The following PRSS58 variants were observed in gnomAD, a reference collection of about 807,000 sequenced individuals.
The protein encoded by PRSS58 is serine protease 58.
PRSS58 carries 31 observed loss-of-function variants against 25.0 expected under a neutral mutation model. That is an observed-to-expected ratio of 1.24 (90% CI 0.93 to 1.67). The LOEUF is 1.67. Ranked by LOEUF, PRSS58 falls within the 40% of genes most tolerant of loss-of-function variation. PRSS58 has a pLI of 0.00. For synonymous variants in PRSS58, 119 were observed against 106.1 expected, an observed-to-expected ratio of 1.12 and a Z score of -0.75; for missense variants, 324 against 287.9, an observed-to-expected ratio of 1.13 and a Z score of -0.91.
Position 142,255,156 on chromosome 7 carries a change from T to G in PRSS58, c.335A>C (p.Glu112Ala). ...IMLIKLKTEA[E>A]LNDYVKLANL... ...GGCTAATTTCACATAGTCATTGAGT[T>G]CAGCCTCTGTTTTCAGCTTGATTAG... is the stretch of plus-strand genomic sequence containing the variant. The change falls in exon 4 of 6, where the codon GAA becomes GCA. Residue 112 changes from glutamate to alanine, a missense_variant. By Grantham distance (107) the Glu-to-Ala change is moderately radical. Coordinates refer to ENST00000547058, the MANE Select transcript of PRSS58 (RefSeq NM_001001317.5). 6.2e-7 allele frequency: 1 copy of G among 1,614,162 alleles called. No homozygotes were observed. Among genetic ancestry groups the G allele is most frequent in the Non-Finnish European group, 8.5e-7 (1 of 1,180,008 alleles).
chr7:142,257,361 G>T (rs1008090656), intron 2 of PRSS58, among the ~76,000 whole-genome samples: 1 of 152,180 alleles, frequency 6.6e-6, no homozygotes, highest in Non-Finnish European at 1.5e-5. Context: ...TCAATGTTCT[G>T]CTGTGCCCTC....
Position 142,255,659 on chromosome 7 carries a change from T to G in PRSS58, c.55A>C (p.Asn19His). The change falls in exon 3 of 6, where the codon AAT (asparagine) becomes CAT (histidine). Residue 19 changes from asparagine (N) to histidine (H), a missense_variant. Transcript: ENST00000547058. ...LLNLTVALAF[N>H]PDYTVSSTPP... is the part of the protein sequence containing the mutation. ...GTGGAGCTGACTGTGTAATCTGGAT[T>G]AAAGGCCAAAGCAACTGGAAAGAGA... is the stretch of plus-strand genomic sequence containing the variant. 6.2e-7 allele frequency: 1 copy of G among 1,610,416 alleles called. No individual in the cohort carries two copies. The highest frequency in any genetic ancestry group is 8.5e-7 in the Non-Finnish European group (1 of 1,178,010).
intron 4 of PRSS58, 151 bp downstream of exon 4, chr7:142,254,904 C>A (rs1042468849): frequency 4.2e-6 from 3 of 720,480 alleles, no homozygotes; most frequent in Non-Finnish European, 6.9e-6. Context: ...ACCCAAAAAC[C>A]TTGAAGCACT....
chr7:142,257,800 T>C (rs1469576954), intron 1 of PRSS58, 52 bp from the exon 2 acceptor site: 6 of 1,016,556 alleles, frequency 5.9e-6, no homozygotes, highest in Non-Finnish European at 9.2e-6. Context: ...GATTGTAGAA[T>C]TGGAAAAATA....
intron 2 of PRSS58, among the ~76,000 whole-genome samples, chr7:142,256,571 C>T (rs1285294887): frequency 6.6e-6 from 1 of 152,070 alleles, no homozygotes; most frequent in Admixed American, 6.5e-5. Flanking sequence ...CAAGCAAACC[C>T]TCCTGAGTAG....
Position 142,255,073 on chromosome 7 carries a change from A to T in PRSS58, c.418T>A (p.Tyr140Asn). The T allele has an allele frequency of 6.2e-7, 1 of 1,614,054 alleles. No homozygotes were observed. The highest frequency in any genetic ancestry group is 8.5e-7 in the Non-Finnish European group (1 of 1,179,960). ...AACTCACAGATATCACACACATTGT[A>T]GCTCCAGGTAGAGACAGAGCACATG... ...NTMCSVSTWS[Y>N]NVCDIYKEPD... The change falls in exon 4 of 6, where the codon TAC becomes AAC. Residue 140 changes from tyrosine (Y) to asparagine (N), a missense_variant. Tyr to Asn is a moderately radical substitution (Grantham distance 143). Coordinates refer to ENST00000547058, the MANE Select transcript of PRSS58 (RefSeq NM_001001317.5).
chr7:142,253,694 A>C (rs1257003569), intron 4 of PRSS58, among the ~76,000 whole-genome samples: 2 of 152,230 alleles, frequency 1.3e-5, no homozygotes, highest in Non-Finnish European at 2.9e-5. Context: ...TTTTCCAAGC[A>C]ATAATTTCAT....
In PRSS58 at chr7:142,252,476, C is replaced by T; in HGVS notation, c.572G>A (p.Cys191Tyr). ...VGIVPGRRQP[C>Y]KEVSAAPAIC... The stretch of plus-strand genomic sequence containing the variant: ...AATGGATGAAGAGTATTTTACCTTG[C>T]AGGGCTGCCTCCTTCCTGGCACAAT... The change falls in exon 5 of 6, where the codon TGC becomes TAC. Residue 191 changes from cysteine to tyrosine, a missense_variant. Cys to Tyr is a radical substitution (Grantham distance 194). Coordinates refer to ENST00000547058, the MANE Select transcript of PRSS58 (RefSeq NM_001001317.5). 6.2e-7 allele frequency: 1 copy of T among 1,613,708 alleles called. No homozygotes were observed. The highest frequency in any genetic ancestry group is 8.5e-7 in the Non-Finnish European group (1 of 1,179,870).
chr7:142,257,570 T>C (rs1798578722), intron 2 of PRSS58, 98 bp downstream of exon 2: 3 of 1,097,904 alleles, frequency 2.7e-6, no homozygotes, highest in Middle Eastern at 2.0e-4. Flanking sequence ...CATCCTACAC[T>C]TGAATTCTGG....
intron 2 of PRSS58, among the ~76,000 whole-genome samples, chr7:142,256,591 C>T (rs1424061151): frequency 1.3e-5 from 2 of 152,128 alleles, no homozygotes; most frequent in East Asian, 3.9e-4. Context: ...GCTTGGACTA[C>T]AGGTGTGTGC....
At chr7:142,253,628 A>C (rs1265036061) in intron 4 of PRSS58, among the ~76,000 whole-genome samples, 1 of 143,014 alleles carries the variant, frequency 7.0e-6, no homozygotes, top group Non-Finnish European at 1.5e-5. Flanking sequence ...TAATGTTTTT[A>C]TTTGAAAATA....
rs1798532347 is a variant in PRSS58 at position 142,255,146 on chromosome 7, G to A, written c.345C>T (p.Asp115=). Residue 115 remains aspartate, a synonymous_variant, in exon 4 of 6, where the codon GAC becomes GAT. Coordinates refer to ENST00000547058, the MANE Select transcript of PRSS58 (RefSeq NM_001001317.5). ...IKLKTEAELN[D]YVKLANLPYQ... ...AGGGCAGGTTGGCTAATTTCACATA[G>A]TCATTGAGTTCAGCCTCTGTTTTCA... 1.9e-6 allele frequency: 3 copies of A among 1,614,020 alleles called. No homozygotes were observed. The South Asian group carries it at 3.3e-5, about 18-fold the overall frequency.
chr7:142,255,243 C>A lies in PRSS58; in HGVS notation c.248G>T (p.Gly83Val), dbSNP rs939228950. Reference sequence around the variant, plus strand: ...TGGATGATGAATCATCTTCTCATAGCCAATCACTTGCAGATGCTTTTCATT... The same window carrying A: ...TGGATGATGAATCATCTTCTCATAGACAATCACTTGCAGATGCTTTTCATT... ...DSNEKHLQVIGYEKMIHHPHF... is the reference protein window; with the variant it reads ...DSNEKHLQVIVYEKMIHHPHF... The change falls in exon 4 of 6, where the codon GGC becomes GTC. Residue 83 changes from glycine (G) to valine (V), a missense_variant. By Grantham distance (109) the Gly-to-Val change is moderately radical. Transcript: ENST00000547058. 7 of 1,613,712 alleles carry A rather than the reference C, an allele frequency of 4.3e-6. No individual in the cohort carries two copies. The highest frequency in any genetic ancestry group is 1.6e-4 in the Middle Eastern group (1 of 6,082).
At chr7:142,252,675 A>G in intron 4 of PRSS58, 64 bp from the exon 5 acceptor site, 1 of 1,521,230 alleles carries the variant, frequency 6.6e-7, no homozygotes, top group South Asian at 1.3e-5. Flanking sequence ...CTTCTTTTAA[A>G]AAACTTTTCT....
In PRSS58 at chr7:142,255,240, T is replaced by G. The variant is rs1315307862; in HGVS notation, c.251A>C (p.Tyr84Ser). 1 of 1,613,896 alleles carries G rather than the reference T, an allele frequency of 6.2e-7. No homozygotes were observed. Among genetic ancestry groups the G allele is most frequent in the African/African-American group, 1.3e-5 (1 of 75,040 alleles). ...GTGTGGATGATGAATCATCTTCTCA[T>G]AGCCAATCACTTGCAGATGCTTTTC... ...SNEKHLQVIG[Y>S]EKMIHHPHFS... The change falls in exon 4 of 6, where the codon TAT becomes TCT. Residue 84 changes from tyrosine to serine, a missense_variant. By Grantham distance (144) the Tyr-to-Ser change is moderately radical. Coordinates refer to ENST00000547058, the MANE Select transcript of PRSS58 (RefSeq NM_001001317.5).
intron 4 of PRSS58, 144 bp from the exon 5 acceptor site, chr7:142,252,755 G>A (rs1226887624): frequency 2.3e-5 from 18 of 776,504 alleles, no homozygotes; most frequent in Non-Finnish European, 3.6e-5. Flanking sequence ...TTAGGACAAC[G>A]AGGGTATAGG....
At position 142,255,302 on chromosome 7, in the gene PRSS58, C is replaced by A. The variant is rs2116386222; in HGVS notation, c.189G>T (p.Arg63=). ...TAAHCNLPKL[R]VILGVTIPAD... ...CTGGGATTGTAACCCCCAATATCAC[C>A]CGAAGCTTTCTGGAACAATATAGAC... Residue 63 remains arginine (R), a synonymous_variant, in exon 4 of 6, where the codon CGG becomes CGT. Transcript: ENST00000547058. The A allele has an allele frequency of 6.2e-7, 1 of 1,613,576 alleles. No homozygotes were observed. The highest frequency in any genetic ancestry group is 2.2e-5 in the East Asian group (1 of 44,844).
chr7:142,252,258 T>C lies in PRSS58; in HGVS notation c.689A>G (p.Tyr230Cys), dbSNP rs1798478513. 6 of 1,613,960 alleles carry C rather than the reference T, an allele frequency of 3.7e-6. No homozygotes were observed. Among genetic ancestry groups the C allele is most frequent in the Non-Finnish European group, 5.1e-6 (6 of 1,179,956 alleles). The change falls in exon 6 of 6, where the codon TAT becomes TGT. Residue 230 changes from tyrosine (Y) to cysteine (C), a missense_variant. Transcript: ENST00000547058. ...GATTACATTTTCAATCCAGGGTATA[T>C]AGTAAAAAATTTTGGCATAGATGCC... Reference protein sequence around the residue: ...DVGIYAKIFYYIPWIENVIQN... With the variant: ...DVGIYAKIFYCIPWIENVIQN...
Position 142,252,268 on chromosome 7 carries a change from T to C in PRSS58, c.679A>G (p.Ile227Val). The C allele has an allele frequency of 6.2e-7, 1 of 1,613,946 alleles. No homozygotes were observed. Among genetic ancestry groups the C allele is most frequent in the South Asian group, 1.1e-5 (1 of 91,048 alleles). ...LRADVGIYAKIFYYIPWIENV... is the reference protein window; with the variant it reads ...LRADVGIYAKVFYYIPWIENV... The stretch of plus-strand genomic sequence containing the variant: ...TCAATCCAGGGTATATAGTAAAAAA[T>C]TTTGGCATAGATGCCAACATCAGCT... The change falls in exon 6 of 6, where the codon ATT becomes GTT. Residue 227 changes from isoleucine to valine, a missense_variant. Ile to Val is a conservative substitution (Grantham distance 29, BLOSUM62 3). Coordinates refer to ENST00000547058, the MANE Select transcript of PRSS58 (RefSeq NM_001001317.5).
Sources: allele counts gnomAD v4.1 joint callset (sites outside exome capture counted in the v4.1 genomes callset), GRCh38; gene constraint gnomAD v4.1.1; transcripts MANE v1.5; gene names NCBI Gene and HGNC (gene_info 2026-07-23, HGNC 2026-07-21).